Variants in SLC35A1 observed in about 807,000 individuals in gnomAD.
SLC35A1 encodes the protein CMP-sialic acid transporter.
A neutral mutation model predicts 40.3 loss-of-function variants in SLC35A1; 21 were observed. The observed-to-expected ratio is 0.52, with a 90% CI of 0.37 to 0.75. SLC35A1 has a LOEUF of 0.75. Among genes scored for constraint, SLC35A1 ranks in the 30% least tolerant of loss-of-function variants. The pLI is 0.00. For synonymous variants in SLC35A1, 146 were observed against 147.3 expected, an observed-to-expected ratio of 0.99 and a Z score of 0.06; for missense variants, 297 against 382.1, an observed-to-expected ratio of 0.78 and a Z score of 1.86.
At chr6:87,508,376 A>T (rs752857670) in intron 5 of SLC35A1, 44 bp from the exon 6 acceptor site, 13 of 1,299,334 alleles carry the variant, frequency 1.0e-5, no homozygotes, top group African/African-American at 1.5e-5. Flanking sequence ...TTTTAAGTTA[A>T]TTTATAGTAA....
At position 87,511,488 on chromosome 6, in the gene SLC35A1, G is replaced by A; in HGVS notation, c.976G>A (p.Gly326Arg). ...PRQDTTSIQQGETASKERVIG... is the reference protein window; with the variant it reads ...PRQDTTSIQQRETASKERVIG... ...ACAAGACACTACATCCATCCAACAA[G>A]GAGAAACAGCTTCAAAGGAGAGAGT... The change falls in exon 8 of 8, where the codon GGA becomes AGA. Residue 326 changes from glycine (G) to arginine (R), a missense_variant. Gly to Arg is a moderately radical substitution (Grantham distance 125). Transcript: ENST00000369552. 1 of 1,613,780 alleles carries A rather than the reference G, an allele frequency of 6.2e-7. No individual in the cohort carries two copies. Among genetic ancestry groups the A allele is most frequent in the Non-Finnish European group, 8.5e-7 (1 of 1,179,932 alleles).
At chr6:87,500,329 T>A (rs1769880554) in intron 2 of SLC35A1, among the ~76,000 whole-genome samples, 179 bp from the exon 3 acceptor site, 1 of 152,214 alleles carries the variant, frequency 6.6e-6, no homozygotes, top group Non-Finnish European at 1.5e-5. Context: ...ACTATAATTT[T>A]TTAAAGAGGA....
chr6:87,499,726 C>A (rs995909274), intron 2 of SLC35A1, among the ~76,000 whole-genome samples: 2 of 152,070 alleles, frequency 1.3e-5, no homozygotes, highest in Non-Finnish European at 2.9e-5. Flanking sequence ...GTACTAAATT[C>A]ATTTATAAAT....
At chr6:87,485,360 C>T (rs1008501177) in intron 2 of SLC35A1, among the ~76,000 whole-genome samples, 12 of 152,102 alleles carry the variant, frequency 7.9e-5, no homozygotes, top group Non-Finnish European at 1.6e-4. Context: ...TATCATCTCA[C>T]AGAAAGGATG....
intron 4 of SLC35A1, among the ~76,000 whole-genome samples, chr6:87,502,516 G>A (rs947649695): frequency 2.0e-5 from 3 of 152,136 alleles, no homozygotes; most frequent in African/African-American, 7.2e-5. Flanking sequence ...ATAGCCTATT[G>A]TTCCTAGGCT....
intron 7 of SLC35A1, among the ~76,000 whole-genome samples, chr6:87,509,822 A>T (rs554821985): frequency 1.3e-5 from 2 of 152,346 alleles, no homozygotes; most frequent in East Asian, 3.9e-4. Context: ...CTTCTAAATT[A>T]TTTAAGCAAT....
chr6:87,476,379 C>T (rs965248599), intron 1 of SLC35A1, among the ~76,000 whole-genome samples: 8 of 152,140 alleles, frequency 5.3e-5, no homozygotes, highest in African/African-American at 1.9e-4. Context: ...TACATTGCTG[C>T]AGTTGGTTTC....
At chr6:87,509,336 G>T (rs1005337471) in intron 7 of SLC35A1, among the ~76,000 whole-genome samples, 161 bp downstream of exon 7, 2 of 152,172 alleles carry the variant, frequency 1.3e-5, no homozygotes, top group Admixed American at 6.5e-5. Flanking sequence ...TCATAGTTGT[G>T]TGGGATGTGG....
intron 1 of SLC35A1, 80 bp downstream of exon 1, chr6:87,473,099 G>T: frequency 4.8e-6 from 2 of 420,414 alleles, no homozygotes. Flanking sequence ...AGCCCCTGTC[G>T]GGCAGCGGAG....
At position 87,511,856 on chromosome 6, in the gene SLC35A1, TG is replaced by T. The variant is rs886061818; in HGVS notation, c.*333del. The T allele has an allele frequency of 1.7e-5, 6 of 352,470 alleles. No individual in the cohort carries two copies. Among genetic ancestry groups the T allele is most frequent in the Admixed American group, 4.0e-5 (1 of 25,254 alleles). 21.8% of individuals were successfully genotyped at this position (352,470 alleles called of 1,614,324 possible). ...GCTACAATACTCAAGTAACAAGGTT[TG>T]GGACAATGTCTAAGGGTTAAAGTGC... is the stretch of plus-strand genomic sequence containing the variant. On this transcript the variant is annotated 3_prime_UTR_variant, in exon 8 of 8. Coordinates refer to ENST00000369552, the MANE Select transcript of SLC35A1 (RefSeq NM_006416.5).
chr6:87,482,327 A>G (rs1309478751), intron 2 of SLC35A1, among the ~76,000 whole-genome samples: 1 of 147,734 alleles, frequency 6.8e-6, no homozygotes, highest in Non-Finnish European at 1.5e-5. Context: ...GCCTAAGGCC[A>G]CAAGATTAGA....
chr6:87,503,006 G>GT (rs1379947824), intron 4 of SLC35A1, among the ~76,000 whole-genome samples: 1 of 152,148 alleles, frequency 6.6e-6, no homozygotes, highest in Non-Finnish European at 1.5e-5. Flanking sequence ...AGCCCCTTGA[G>GT]TTATTTCCAG....
At chr6:87,504,353 A>G (rs1368136016) in intron 4 of SLC35A1, among the ~76,000 whole-genome samples, 6 of 150,826 alleles carry the variant, frequency 4.0e-5, no homozygotes, top group Non-Finnish European at 5.9e-5. Flanking sequence ...CGATTTCTTG[A>G]TACTATTCTT....
chr6:87,479,499 C>T (rs921226501), intron 2 of SLC35A1, among the ~76,000 whole-genome samples: 2 of 152,174 alleles, frequency 1.3e-5, no homozygotes, highest in Admixed American at 6.5e-5. Flanking sequence ...GGTCATTTAC[C>T]CCTGAGCTGC....
intron 5 of SLC35A1, 70 bp downstream of exon 5, chr6:87,506,518 CTA>C (rs1245795505): frequency 3.4e-6 from 4 of 1,182,212 alleles, no homozygotes; most frequent in Non-Finnish European, 5.1e-6. Context: ...AGACACCAGT[CTA>C]GTTTATCTTG....
chr6:87,477,166 GGTGTGT>G (rs71018020), intron 1 of SLC35A1, among the ~76,000 whole-genome samples, 190 bp from the exon 2 acceptor site: 1 of 149,872 alleles, frequency 6.7e-6, no homozygotes, highest in Non-Finnish European at 1.5e-5. Context: ...AGTCAGCTGT[GGTGTGT>G]GTGTGTGTGT....
chr6:87,490,907 G>A (rs1769532367), intron 2 of SLC35A1, among the ~76,000 whole-genome samples: 1 of 152,162 alleles, frequency 6.6e-6, no homozygotes, highest in Admixed American at 6.5e-5. Context: ...TATGTAAAAT[G>A]CCACACATCC....
intron 2 of SLC35A1, among the ~76,000 whole-genome samples, chr6:87,486,430 CATTT>C (rs530158148): frequency 2.9e-4 from 44 of 152,238 alleles, no homozygotes; most frequent in Non-Finnish European, 5.3e-4. Context: ...TTCACGCATT[CATTT>C]ATTTAGTTAG....
At chr6:87,480,184 A>T (rs1769205632) in intron 2 of SLC35A1, among the ~76,000 whole-genome samples, 1 of 152,230 alleles carries the variant, frequency 6.6e-6, no homozygotes, top group Non-Finnish European at 1.5e-5. Flanking sequence ...GTCGTTAGAG[A>T]CACGAGGTAA....
Sources: allele counts gnomAD v4.1 joint callset (sites outside exome capture counted in the v4.1 genomes callset), GRCh38; gene constraint gnomAD v4.1.1; transcripts MANE v1.5; gene names NCBI Gene and HGNC (gene_info 2026-07-23, HGNC 2026-07-21).